Variants in ANKRD6 observed in about 807,000 individuals in gnomAD.
ANKRD6 encodes the protein ankyrin repeat domain 6.
Under a neutral mutation model 82.3 loss-of-function variants are expected in ANKRD6, and 56 were observed. That is an observed-to-expected ratio of 0.68 (90% CI 0.55 to 0.85). The LOEUF is 0.85. Ranked by LOEUF, ANKRD6 falls within the 40% of genes least tolerant of loss-of-function variation. The pLI, the probability that ANKRD6 is intolerant of heterozygous loss-of-function variation, is 0.00. For missense variants in ANKRD6, 852 were observed against 907.6 expected (o/e 0.94, Z 0.79); for synonymous variants, 347 against 352.1 (o/e 0.99, Z 0.16).
chr6:89,630,317 G>A, intron 15 of ANKRD6, 116 bp from the exon 16 acceptor site: 3 of 1,223,326 alleles, frequency 2.5e-6, no homozygotes, highest in Non-Finnish European at 3.3e-6. Flanking sequence ...ATGGTGGGTG[G>A]TGATGGAGAA....
chr6:89,498,004 C>A (rs749151631), intron 1 of ANKRD6, among the ~76,000 whole-genome samples: 4 of 152,068 alleles, frequency 2.6e-5, no homozygotes. Context: ...ACTTTCATTG[C>A]GCATAATGTT....
intron 1 of ANKRD6, among the ~76,000 whole-genome samples, chr6:89,502,026 C>T (rs1310559895): frequency 6.6e-6 from 1 of 152,174 alleles, no homozygotes; most frequent in African/African-American, 2.4e-5. Context: ...ACACTTTCAC[C>T]TAGCCTCCCA....
intron 3 of ANKRD6, among the ~76,000 whole-genome samples, chr6:89,601,358 T>C (rs534522851): frequency 6.6e-6 from 1 of 152,232 alleles, no homozygotes; most frequent in South Asian, 2.1e-4. Flanking sequence ...TGACCCCCCC[T>C]CACTGCAGAA....
chr6:89,440,079 C>G (rs889807065), intron 1 of ANKRD6, among the ~76,000 whole-genome samples: 1 of 152,186 alleles, frequency 6.6e-6, no homozygotes, highest in Non-Finnish European at 1.5e-5. Context: ...TTTTCCTCTA[C>G]TCTTGTGAGT....
At chr6:89,615,283 G>A (rs1350011055) in intron 7 of ANKRD6, among the ~76,000 whole-genome samples, 1 of 152,154 alleles carries the variant, frequency 6.6e-6, no homozygotes, top group Non-Finnish European at 1.5e-5. Context: ...TCCCACCCCA[G>A]TTGAAAGAGT....
chr6:89,572,783 C>G (rs1314760662), intron 2 of ANKRD6, among the ~76,000 whole-genome samples: 1 of 152,100 alleles, frequency 6.6e-6, no homozygotes, highest in African/African-American at 2.4e-5. Flanking sequence ...TATCCTTTTC[C>G]CATTGAGCGG....
chr6:89,568,932 AT>A (rs58909289), intron 2 of ANKRD6, among the ~76,000 whole-genome samples: 2,410 of 141,988 alleles, frequency 0.017, 38 homozygotes, highest in East Asian at 0.043. Flanking sequence ...TATATATATA[AT>A]TTTTTTTTTT....
intron 1 of ANKRD6, among the ~76,000 whole-genome samples, chr6:89,548,731 G>A (rs1246573073): frequency 6.6e-6 from 1 of 152,214 alleles, no homozygotes; most frequent in African/African-American, 2.4e-5. Flanking sequence ...TTCTCCTTTG[G>A]AGCTTTGTTA....
rs554675363 is a variant in ANKRD6, at chr6:89,484,035, A to G, written c.-144+50660A>G. The stretch of plus-strand genomic sequence containing the variant: ...CTTCTCGTGCCTCAGTGTCCTGAGT[A>G]TCTGGGATTACAGGTGTGCCCACCA... On this transcript the variant is annotated intron_variant, in intron 1 of 15. Transcript: ENST00000339746. Among the ~76,000 whole-genome samples the G allele has an allele frequency of 5.9e-5, 9 of 152,136 alleles. No homozygotes were observed. The South Asian group carries it at 1.9e-3, about 32-fold the overall frequency.
chr6:89,575,787 CTGG>C (rs1225110609), intron 2 of ANKRD6, among the ~76,000 whole-genome samples: 1 of 152,174 alleles, frequency 6.6e-6, no homozygotes, highest in Non-Finnish European at 1.5e-5. Context: ...CAGATGAGAA[CTGG>C]AATGTCCTGG....
intron 1 of ANKRD6, among the ~76,000 whole-genome samples, chr6:89,494,661 T>C (rs1778390592): frequency 1.3e-5 from 2 of 152,238 alleles, no homozygotes; most frequent in South Asian, 4.1e-4. Context: ...CTTGAACTCC[T>C]GCAGCCAATC....
chr6:89,517,673 A>G (rs1028853686), intron 1 of ANKRD6, among the ~76,000 whole-genome samples: 8 of 152,252 alleles, frequency 5.3e-5, no homozygotes, highest in Admixed American at 5.2e-4. Flanking sequence ...GAAAAACTTG[A>G]TAGTTATGTT....
intron 1 of ANKRD6, among the ~76,000 whole-genome samples, chr6:89,437,656 A>G (rs1353672193): frequency 6.6e-6 from 1 of 152,208 alleles, no homozygotes; most frequent in African/African-American, 2.4e-5. Flanking sequence ...TGTATTCTAA[A>G]TATAGCATAC....
chr6:89,503,895 G>T (rs1779531651), intron 1 of ANKRD6, among the ~76,000 whole-genome samples: 1 of 152,088 alleles, frequency 6.6e-6, no homozygotes, highest in South Asian at 2.1e-4. Context: ...GAGCAAGGAG[G>T]CTGGTGTGGC....
intron 1 of ANKRD6, among the ~76,000 whole-genome samples, chr6:89,501,233 C>T (rs1779225707): frequency 1.3e-5 from 2 of 152,166 alleles, no homozygotes; most frequent in South Asian, 2.1e-4. Context: ...CTTATGGAAG[C>T]CTAAGGCTTG....
At position 89,606,002 on chromosome 6, in the gene ANKRD6, C is replaced by A. The variant is rs761865780; in HGVS notation, c.319-5C>A. On this transcript the variant is annotated splice_region_variant and splice_polypyrimidine_tract_variant and intron_variant, in intron 4 of 15. Transcript: ENST00000339746. ...GTGCCTTTCCCACCTGTGTGTCTTC[C>A]TTAGGATGGGAATACAGCCTTGCAT... is the stretch of plus-strand genomic sequence containing the variant. The A allele has an allele frequency of 7.6e-6, 12 of 1,573,216 alleles. No homozygotes were observed. The South Asian group carries it at 1.4e-4, about 18-fold the overall frequency.
At chr6:89,555,320 A>G (rs1250256568) in intron 1 of ANKRD6, among the ~76,000 whole-genome samples, 1 of 151,888 alleles carries the variant, frequency 6.6e-6, no homozygotes, top group Non-Finnish European at 1.5e-5. Flanking sequence ...ACATCACACA[A>G]TTGCAGTCCA....
chr6:89,468,576 A>G (rs1775100485), intron 1 of ANKRD6, among the ~76,000 whole-genome samples: 1 of 143,082 alleles, frequency 7.0e-6, no homozygotes, highest in African/African-American at 2.6e-5. Flanking sequence ...AAATATGCTA[A>G]CACTAATGAT....
Position 89,460,909 on chromosome 6 carries a change from C to CTTTTTTTTTT in ANKRD6, c.-144+27543_-144+27544insTTTTTTTTTT, listed in dbSNP as rs143153320. On this transcript the variant is annotated intron_variant, in intron 1 of 15. Transcript: ENST00000339746. ...AATACTACATCGGTGTTTTGGAATT[C>CTTTTTTTTTT]TTTTTTTTTGAGACCGAGTCTCCCT... Among the ~76,000 whole-genome samples, 10 of 135,956 alleles carry CTTTTTTTTTT rather than the reference C, an allele frequency of 7.4e-5. 1 individual carries two copies. Among genetic ancestry groups the CTTTTTTTTTT allele is most frequent in the Non-Finnish European group, 9.3e-5 (6 of 64,558 alleles). 89.2% of individuals were successfully genotyped at this position (135,956 alleles called of 152,430 possible).
Sources: allele counts gnomAD v4.1 joint callset (sites outside exome capture counted in the v4.1 genomes callset), GRCh38; gene constraint gnomAD v4.1.1; transcripts MANE v1.5; gene names NCBI Gene and HGNC (gene_info 2026-07-23, HGNC 2026-07-21).